EFCAB8: variants seen among roughly 807,000 people sequenced by gnomAD.
EFCAB8 encodes EF-hand calcium binding domain 8.
Under a neutral mutation model 116.3 loss-of-function variants are expected in EFCAB8, and 100 were observed. That is an observed-to-expected ratio of 0.86 (90% confidence interval 0.73 to 1.02). The LOEUF is 1.02. Among genes scored for constraint, EFCAB8 ranks in the 50% least tolerant of loss-of-function variants. The pLI, the probability that EFCAB8 is intolerant of heterozygous loss-of-function variation, is 0.00. For missense variants in EFCAB8, 1,320 were observed against 1,416.9 expected (o/e 0.93, Z 1.10); for synonymous variants, 558 against 567.9 (o/e 0.98, Z 0.25).
chr20:32,860,217 A>T (rs1358828896), intron 1 of EFCAB8, among the ~76,000 whole-genome samples: 1 of 152,160 alleles, frequency 6.6e-6, no homozygotes, highest in Non-Finnish European at 1.5e-5. Context: ...CTGAGGCATG[A>T]GAATCATCAG....
chr20:32,941,332 T>G (rs1253079824), intron 22 of EFCAB8, among the ~76,000 whole-genome samples: 4 of 148,912 alleles, frequency 2.7e-5, no homozygotes, highest in Non-Finnish European at 6.0e-5. Flanking sequence ...CCTCAAAAAT[T>G]AAGTGTAGAC....
chr20:32,900,992 G>A (rs1403121335), intron 11 of EFCAB8, among the ~76,000 whole-genome samples: 11 of 152,094 alleles, frequency 7.2e-5, no homozygotes, highest in African/African-American at 2.4e-4. Context: ...ATGAGCCACC[G>A]CGCCCGGCCG....
At chr20:32,900,704 C>T (rs1046067331) in intron 11 of EFCAB8, among the ~76,000 whole-genome samples, 16 of 152,302 alleles carry the variant, frequency 1.1e-4, no homozygotes, top group Admixed American at 2.6e-4. Flanking sequence ...GTAGTTGGGA[C>T]TACAGGTGTG....
At chr20:32,911,028 G>A (rs976106229) in intron 15 of EFCAB8, among the ~76,000 whole-genome samples, 2 of 152,194 alleles carry the variant, frequency 1.3e-5, no homozygotes, top group African/African-American at 4.8e-5. Context: ...GTGAGCCACT[G>A]TGCCCAGCCT....
chr20:32,905,870 G>A (rs1024719464), intron 11 of EFCAB8, among the ~76,000 whole-genome samples: 30 of 152,132 alleles, frequency 2.0e-4, no homozygotes, highest in Non-Finnish European at 3.4e-4. Flanking sequence ...GAAGGCAAGC[G>A]TGGCCCTCCT....
rs370662541 is a variant in EFCAB8 at position 32,961,480 on chromosome 20, G to A, written c.3738G>A (p.Pro1246=). ...TAHSTPSVPS[P]VSKSTLQGSV... ...ATTCCACCCCCTCGGTCCCATCCCC[G>A]GTGTCCAAGTCCACCCTGCAGGGGT... The change falls in exon 27 of 27, where the codon CCG becomes CCA. Residue 1246 remains proline, a synonymous_variant. Coordinates refer to ENST00000400522, the MANE Select transcript of EFCAB8 (RefSeq NM_001143967.2). 3.9e-5 allele frequency: 56 copies of A among 1,448,660 alleles called. No homozygotes were observed. The highest frequency in any genetic ancestry group is 1.8e-4 in the Middle Eastern group (1 of 5,530). The allele number at this position is 1,448,660 out of a possible 1,614,324, so 89.7% of individuals were successfully genotyped here.
intron 11 of EFCAB8, among the ~76,000 whole-genome samples, chr20:32,905,766 A>C (rs1244531511): frequency 6.7e-6 from 1 of 150,004 alleles, no homozygotes; most frequent in Non-Finnish European, 1.5e-5. Flanking sequence ...TCTCAAAAAA[A>C]AAAAAAAGGA....
At chr20:32,929,297 G>A (rs1231060079) in intron 20 of EFCAB8, among the ~76,000 whole-genome samples, 1 of 152,096 alleles carries the variant, frequency 6.6e-6, no homozygotes, top group African/African-American at 2.4e-5. Context: ...GAATTCACTG[G>A]TGAAGCCATC....
intron 7 of EFCAB8, among the ~76,000 whole-genome samples, chr20:32,891,136 G>C (rs547544774): frequency 6.6e-6 from 1 of 152,178 alleles, no homozygotes; most frequent in East Asian, 1.9e-4. Context: ...TTTTGAGACA[G>C]TCTCACTCTG....
rs1331708120 is a variant in EFCAB8 at position 32,896,464 on chromosome 20, C to T, written c.894C>T (p.Ile298=). 2 of 718,942 alleles carry T rather than the reference C, an allele frequency of 2.8e-6. No homozygotes were observed. Among genetic ancestry groups the T allele is most frequent in the Non-Finnish European group, 5.2e-6 (2 of 385,162 alleles). The allele number at this position is 718,942 out of a possible 1,614,324, so 44.5% of individuals were successfully genotyped here. A position where few individuals can be genotyped will look rare whatever the true frequency, so the allele number is the denominator to read the frequency against. ...TTTTTCCCCTATCAGATCACTGGAT[C>T]AAAGTTTCCTTGCAGAAACTCTTAA... ...LPRASKWDHW[I]KVSLQKLLNE... is the part of the protein sequence containing the mutation. Residue 298 remains isoleucine, a synonymous_variant, in exon 10 of 27, where the codon ATC becomes ATT. Coordinates refer to ENST00000400522, the MANE Select transcript of EFCAB8 (RefSeq NM_001143967.2).
intron 22 of EFCAB8, among the ~76,000 whole-genome samples, chr20:32,934,268 C>CA (rs1289759078): frequency 6.8e-6 from 1 of 146,694 alleles, no homozygotes; most frequent in East Asian, 1.9e-4. Flanking sequence ...TATGTTGTCC[C>CA]AAATGACAGG....
chr20:32,862,157 GTC>G (rs1568893434), intron 1 of EFCAB8, among the ~76,000 whole-genome samples: 1 of 149,978 alleles, frequency 6.7e-6, no homozygotes, highest in African/African-American at 2.5e-5. Flanking sequence ...TTGAGACAGG[GTC>G]TCACTCTGTC....
Position 32,918,346 on chromosome 20 carries a change from T to G in EFCAB8, c.2062-16T>G, listed in dbSNP as rs1423534764. ...GACATTGCAGTGCCTTAGGGGCTGC[T>G]TTCTTCTTGGTACAGGTGCAAGATG... is the stretch of plus-strand genomic sequence containing the variant. On this transcript the variant is annotated splice_polypyrimidine_tract_variant and intron_variant, in intron 18 of 26. Coordinates refer to ENST00000400522, the MANE Select transcript of EFCAB8 (RefSeq NM_001143967.2). 1.3e-6 allele frequency: 2 copies of G among 1,551,624 alleles called. No individual in the cohort carries two copies. Among genetic ancestry groups the G allele is most frequent in the Non-Finnish European group, 1.7e-6 (2 of 1,146,918 alleles).
intron 22 of EFCAB8, among the ~76,000 whole-genome samples, chr20:32,935,188 CTTTCTTTTTTTTTTTTT>C (rs1359284675): frequency 7.5e-5 from 5 of 66,930 alleles, no homozygotes; most frequent in African/African-American, 1.5e-4. Flanking sequence ...TTCTTTCTTT[CTTTCTTTTTTTTTTTTT>C]TTTTTTTTTT....
chr20:32,953,888 G>A (rs1361998913), intron 23 of EFCAB8, among the ~76,000 whole-genome samples: 1 of 152,144 alleles, frequency 6.6e-6, no homozygotes, highest in Non-Finnish European at 1.5e-5. Flanking sequence ...TCAGCTCACT[G>A]CAACCTTCAC....
rs766702580 is a variant in EFCAB8, at chr20:32,863,826, C to G, written c.34C>G (p.Leu12Val). Residue 12 changes from leucine to valine, a missense_variant, in exon 2 of 27, where the codon CTC becomes GTC. Coordinates refer to ENST00000400522, the MANE Select transcript of EFCAB8 (RefSeq NM_001143967.2). ...TGAAGACTTAGCAGAGATCCCTCAA[C>G]TCCAAAAGGTAAGAAAGACAATTAT... Reference protein sequence around the residue: ...SSEDLAEIPQLQKLSIPHGFQ... With the variant: ...SSEDLAEIPQVQKLSIPHGFQ... 6.4e-7 allele frequency: 1 copy of G among 1,551,442 alleles called. No homozygotes were observed. The highest frequency in any genetic ancestry group is 8.7e-7 in the Non-Finnish European group (1 of 1,146,848).
chr20:32,928,618 G>A (rs1049119571), intron 20 of EFCAB8, among the ~76,000 whole-genome samples: 2 of 152,246 alleles, frequency 1.3e-5, no homozygotes, highest in Non-Finnish European at 1.5e-5. Context: ...TGGTGTGGGA[G>A]CTTTAGCGTT....
chr20:32,894,281 G>A (rs1986055779), intron 9 of EFCAB8, among the ~76,000 whole-genome samples: 1 of 152,192 alleles, frequency 6.6e-6, no homozygotes, highest in Non-Finnish European at 1.5e-5. Context: ...TTGGTAACAG[G>A]CCCCTGGCAG....
chr20:32,875,503 T>G (rs968352960), intron 3 of EFCAB8, among the ~76,000 whole-genome samples: 50 of 98,114 alleles, frequency 5.1e-4, no homozygotes, highest in African/African-American at 2.1e-3. Flanking sequence ...AACATGGTGG[T>G]TTTTTTTTTT....
Sources: gnomAD v4.1 joint callset for allele counts (sites outside exome capture counted in the v4.1 genomes callset) on GRCh38, gnomAD v4.1.1 for gene constraint, MANE v1.5 for transcripts, NCBI Gene and HGNC (gene_info 2026-07-23, HGNC 2026-07-21) for gene names.